Variants in C6 observed in about 807,000 individuals in gnomAD.
C6 encodes the protein complement component C6.
In C6, 101 loss-of-function variants were observed where a neutral mutation model predicts 112.9. That is an observed-to-expected ratio of 0.89 (90% confidence interval 0.76 to 1.06). The LOEUF is 1.06. Ranked by LOEUF, C6 falls within the 50% of genes least tolerant of loss-of-function variation. The pLI is 0.00. For missense variants in C6, 1,202 were observed against 1,104.6 expected (o/e 1.09, Z -1.25); for synonymous variants, 431 against 384.1 (o/e 1.12, Z -1.43).
In C6 at chr5:41,232,819, T is replaced by C. The variant is rs1195848243; in HGVS notation, c.-21+28375A>G. 2.0e-5 allele frequency among the ~76,000 whole-genome samples: 3 copies of C among 152,118 alleles called. No individual in the cohort carries two copies. In the East Asian group the frequency reaches 5.8e-4, roughly 29 times the overall value. ...TAGCACCTTATTTTTTGTTCTTTTT[T>C]CTCATATTGTGTTGTCATGTTTCTT... On this transcript the variant is annotated intron_variant, in intron 1 of 17. Coordinates refer to the C6 transcript ENST00000263413.
intron 6 of C6, 86 bp from the exon 7 acceptor site, chr5:41,181,645 A>AT: frequency 9.1e-7 from 1 of 1,095,686 alleles, no homozygotes; most frequent in Non-Finnish European, 1.4e-6. Flanking sequence ...TGATTTATTT[A>AT]TTTATGCACT....
intron 1 of C6, among the ~76,000 whole-genome samples, chr5:41,220,243 C>T (rs1462288909): frequency 6.6e-6 from 1 of 152,086 alleles, no homozygotes; most frequent in Non-Finnish European, 1.5e-5. Context: ...GCTACTTTGT[C>T]TTACCAACCT....
At chr5:41,196,188 T>C (rs1750604667) in intron 4 of C6, among the ~76,000 whole-genome samples, 1 of 151,964 alleles carries the variant, frequency 6.6e-6, no homozygotes, top group South Asian at 2.1e-4. Context: ...TAGAATATAA[T>C]TCCCATTACA....
chr5:41,210,362 C>G (rs1751810353), intron 1 of C6, among the ~76,000 whole-genome samples: 1 of 152,154 alleles, frequency 6.6e-6, no homozygotes, highest in South Asian at 2.1e-4. Context: ...CCAAAATTGA[C>G]AAATGGGATC....
At position 41,142,368 on chromosome 5, in the gene C6, T is replaced by C. The variant is rs531644988; in HGVS notation, c.*457A>G. 1 of 195,168 alleles carries C rather than the reference T, an allele frequency of 5.1e-6. No homozygotes were observed. The highest frequency in any genetic ancestry group is 1.1e-5 in the Non-Finnish European group (1 of 91,810). 12.1% of individuals were successfully genotyped at this position (195,168 alleles called of 1,614,324 possible). ...GGACTTTGGTCAGTACTTGACATCC[T>C]GTATACACACTCAGAAATTATTTGT... On this transcript the variant is annotated 3_prime_UTR_variant, in exon 18 of 18. Coordinates refer to ENST00000337836, the MANE Select transcript of C6 (RefSeq NM_000065.5).
chr5:41,175,998 T>C (rs188570309), intron 8 of C6, among the ~76,000 whole-genome samples: 10 of 152,340 alleles, frequency 6.6e-5, no homozygotes, highest in South Asian at 6.2e-4. Flanking sequence ...TTTCATCATA[T>C]GTTTCATCTT....
At chr5:41,175,420 T>C (rs1398075724) in intron 8 of C6, among the ~76,000 whole-genome samples, 2 of 152,232 alleles carry the variant, frequency 1.3e-5, no homozygotes, top group Non-Finnish European at 2.9e-5. Flanking sequence ...TATTTGGAAT[T>C]TCCTATCACA....
chr5:41,258,127 A>C (rs1741833998), intron 1 of C6, among the ~76,000 whole-genome samples: 1 of 152,194 alleles, frequency 6.6e-6, no homozygotes, highest in African/African-American at 2.4e-5. Flanking sequence ...TTATTATTCT[A>C]TAATAACATA....
intron 17 of C6, among the ~76,000 whole-genome samples, chr5:41,144,278 T>C (rs1195525689): frequency 6.6e-6 from 1 of 151,878 alleles, no homozygotes; most frequent in African/African-American, 2.4e-5. Context: ...TTTCTTTTCT[T>C]TTTTTTTGAG....
intron 5 of C6, 125 bp from the exon 6 acceptor site, chr5:41,186,333 C>T: frequency 4.9e-6 from 5 of 1,025,694 alleles, no homozygotes; most frequent in Admixed American, 4.3e-5. Context: ...TTGAAGGAAT[C>T]CCCCACACCT....
intron 1 of C6, among the ~76,000 whole-genome samples, chr5:41,247,667 G>A (rs574585154): frequency 7.5e-4 from 113 of 149,716 alleles, no homozygotes; most frequent in African/African-American, 9.3e-4. Flanking sequence ...GCAGTGAGCC[G>A]AGATCGCGCC....
intron 10 of C6, 76 bp downstream of exon 10, chr5:41,161,613 AAAAT>A: frequency 2.6e-6 from 3 of 1,137,616 alleles, no homozygotes; most frequent in Non-Finnish European, 4.0e-6. Flanking sequence ...AAGAAAATGG[AAAAT>A]AAATTGTGTG....
intron 13 of C6, among the ~76,000 whole-genome samples, chr5:41,155,366 T>G (rs533537142): frequency 6.6e-6 from 1 of 152,030 alleles, no homozygotes; most frequent in Non-Finnish European, 1.5e-5. Flanking sequence ...TTGGTTAGGG[T>G]TTTGTTTGTT....
intron 13 of C6, 78 bp downstream of exon 13, chr5:41,158,596 T>C (rs1747145617): frequency 6.3e-6 from 5 of 787,780 alleles, no homozygotes; most frequent in Non-Finnish European, 1.1e-5. Context: ...AGGAAAACAG[T>C]AACTCTAATT....
At chr5:41,226,263 A>T (rs1213665550) in intron 1 of C6, among the ~76,000 whole-genome samples, 1 of 152,154 alleles carries the variant, frequency 6.6e-6, no homozygotes, top group Non-Finnish European at 1.5e-5. Flanking sequence ...CAAGACAAAA[A>T]CAAACAACCC....
chr5:41,194,368 T>A (rs371333791), intron 5 of C6, among the ~76,000 whole-genome samples: 39 of 152,284 alleles, frequency 2.6e-4, no homozygotes, highest in South Asian at 1.7e-3. Flanking sequence ...AGTGAGATAA[T>A]GTAGAACTGG....
chr5:41,231,818 G>T (rs969476466), intron 1 of C6, among the ~76,000 whole-genome samples: 1 of 151,566 alleles, frequency 6.6e-6, no homozygotes, highest in African/African-American at 2.4e-5. Flanking sequence ...CACTGTGTGT[G>T]AAAAAATCAC....
intron 7 of C6, among the ~76,000 whole-genome samples, chr5:41,179,574 A>G (rs1749149636): frequency 6.6e-6 from 1 of 151,686 alleles, no homozygotes. Context: ...CTTACAAGAA[A>G]TTCTGATACT....
At chr5:41,153,690 C>G in intron 15 of C6, 120 bp downstream of exon 15, 2 of 774,392 alleles carry the variant, frequency 2.6e-6, no homozygotes, top group African/African-American at 1.7e-5. Flanking sequence ...CCCACACTGT[C>G]TAAACTTGCA....
Sources: gnomAD v4.1 joint callset for allele counts (sites outside exome capture counted in the v4.1 genomes callset) on GRCh38, gnomAD v4.1.1 for gene constraint, MANE v1.5 for transcripts, NCBI Gene and HGNC (gene_info 2026-07-23, HGNC 2026-07-21) for gene names.